The following TMCC1 variants were observed in gnomAD, a reference collection of about 807,000 sequenced individuals.
TMCC1 encodes the protein transmembrane and coiled-coil domain family 1.
A neutral mutation model predicts 52.4 loss-of-function variants in TMCC1; 15 were observed. The observed-to-expected ratio is 0.29, with a 90% confidence interval of 0.19 to 0.44. The LOEUF (loss-of-function observed/expected upper bound fraction) is 0.44. Among genes scored for constraint, TMCC1 ranks in the 20% least tolerant of loss-of-function variants. The pLI, the probability that TMCC1 is intolerant of heterozygous loss-of-function variation, is 1.00. For missense variants in TMCC1, 503 were observed against 806.0 expected (o/e 0.62, Z 4.55); for synonymous variants, 279 against 301.9 (o/e 0.92, Z 0.79).
intron 4 of TMCC1, among the ~76,000 whole-genome samples, chr3:129,798,286 T>C (rs1415729525): frequency 1.3e-5 from 2 of 152,094 alleles, no homozygotes; most frequent in South Asian, 2.1e-4. Context: ...TGAGCCACCA[T>C]GCCCAGCCGC....
chr3:129,864,199 T>C (rs1437628183), intron 2 of TMCC1, among the ~76,000 whole-genome samples: 1 of 152,198 alleles, frequency 6.6e-6, no homozygotes, highest in East Asian at 1.9e-4. Flanking sequence ...CCTCAACAGA[T>C]TGATACGAAG....
intron 2 of TMCC1, among the ~76,000 whole-genome samples, chr3:129,854,631 C>CTA (rs2060070825): frequency 6.6e-6 from 1 of 152,106 alleles, no homozygotes. Context: ...ATTCTCCCTT[C>CTA]TACCACAGGG....
At chr3:129,750,604 C>G (rs1291447956) in intron 4 of TMCC1, among the ~76,000 whole-genome samples, 1 of 114,940 alleles carries the variant, frequency 8.7e-6, no homozygotes, top group Non-Finnish European at 1.7e-5. Flanking sequence ...GAGACAGAGT[C>G]TTGTCTGTCA....
At chr3:129,859,989 G>GA (rs1281960668) in intron 2 of TMCC1, among the ~76,000 whole-genome samples, 1 of 152,010 alleles carries the variant, frequency 6.6e-6, no homozygotes, top group Admixed American at 6.5e-5. Context: ...AATGATAACT[G>GA]AAAAAACCTG....
At chr3:129,689,591 C>T (rs2089652276) in intron 4 of TMCC1, among the ~76,000 whole-genome samples, 1 of 152,128 alleles carries the variant, frequency 6.6e-6, no homozygotes, top group Non-Finnish European at 1.5e-5. Context: ...GTGATAATTT[C>T]TTTACTTCTA....
chr3:129,685,608 TA>T (rs2089343241), intron 4 of TMCC1, among the ~76,000 whole-genome samples: 1 of 152,074 alleles, frequency 6.6e-6, no homozygotes, highest in African/African-American at 2.4e-5. Flanking sequence ...GGCTGTAAAA[TA>T]ATGGCACAGG....
intron 4 of TMCC1, among the ~76,000 whole-genome samples, chr3:129,770,597 TAAAATAAATG>T (rs2054486656): frequency 6.7e-6 from 1 of 149,482 alleles, no homozygotes; most frequent in Non-Finnish European, 1.5e-5. Context: ...TAAAATAAAA[TAAAATAAATG>T]AAATGAAATG....
At chr3:129,827,634 CATT>C (rs1416105627) in intron 4 of TMCC1, 166 bp downstream of exon 4, 5 of 699,742 alleles carry the variant, frequency 7.1e-6, no homozygotes, top group Non-Finnish European at 1.2e-5. Flanking sequence ...TCTAAGCATT[CATT>C]CATTAGCTAT....
intron 4 of TMCC1, among the ~76,000 whole-genome samples, chr3:129,721,825 G>C (rs1024123954): frequency 6.6e-6 from 1 of 152,018 alleles, no homozygotes; most frequent in East Asian, 1.9e-4. Flanking sequence ...GCAGTGAGCC[G>C]AGATGGCGCC....
At chr3:129,854,689 T>C (rs2060073732) in intron 2 of TMCC1, among the ~76,000 whole-genome samples, 1 of 152,158 alleles carries the variant, frequency 6.6e-6, no homozygotes, top group South Asian at 2.1e-4. Context: ...CTCCCATCTA[T>C]CCTTTCTTTG....
At chr3:129,718,218 T>C (rs1006114338) in intron 4 of TMCC1, among the ~76,000 whole-genome samples, 4 of 152,194 alleles carry the variant, frequency 2.6e-5, no homozygotes, top group Admixed American at 6.5e-5. Flanking sequence ...ATGGTGCCAT[T>C]TGCAGTCAAG....
intron 2 of TMCC1, among the ~76,000 whole-genome samples, chr3:129,870,041 T>C (rs1334877997): frequency 6.6e-6 from 1 of 152,222 alleles, no homozygotes; most frequent in African/African-American, 2.4e-5. Flanking sequence ...TATCATGTAG[T>C]GTAAAATTAT....
rs112682380 is a variant in TMCC1 at position 129,886,774 on chromosome 3, C to CA, written c.-434-6216dup. ...GGCCAACATGGTGAAACCGTTTCTACAAAAAAAAAAAAAATTAGCCAGGTG... is the reference window on the plus strand; with the variant it reads ...GGCCAACATGGTGAAACCGTTTCTACAAAAAAAAAAAAAAATTAGCCAGGTG... On this transcript the variant is annotated intron_variant, in intron 1 of 6. Coordinates refer to ENST00000393238, the MANE Select transcript of TMCC1 (RefSeq NM_001017395.5). 8.4e-3 allele frequency among the ~76,000 whole-genome samples: 1,083 copies of CA among 129,306 alleles called. 11 individuals carry two copies. The highest frequency in any genetic ancestry group is 0.02 in the African/African-American group (699 of 35,268). The allele number at this position is 129,306 out of a possible 152,430, so 84.8% of individuals were successfully genotyped here. A position where few individuals can be genotyped will look rare whatever the true frequency, so the allele number is the denominator to read the frequency against.
At chr3:129,843,103 T>C (rs958914742) in intron 2 of TMCC1, among the ~76,000 whole-genome samples, 1 of 151,988 alleles carries the variant, frequency 6.6e-6, no homozygotes, top group Admixed American at 6.6e-5. Flanking sequence ...TCCCAGCACT[T>C]TGGGAGGCTG....
In TMCC1 at chr3:129,670,516, A is replaced by G; in HGVS notation, c.1325T>C (p.Val442Ala). Residue 442 changes from valine (V) to alanine (A), a missense_variant, in exon 5 of 7, where the codon GTA (valine) becomes GCA (alanine). Val to Ala is a moderately conservative substitution (Grantham distance 64). This residue lies in a region of TMCC1 where 121 missense variants were observed against 193.6 expected (regional missense o/e 0.62). Coordinates refer to ENST00000393238, the MANE Select transcript of TMCC1 (RefSeq NM_001017395.5). ...GANSTTGGIA[V>A]GASSSKTNTL... Reference sequence around the variant, plus strand: ...GTTTGTTTTGGAGCTGGATGCTCCTACAGCGATGCCCCCTGTGGTGCTGTT... The same window carrying G: ...GTTTGTTTTGGAGCTGGATGCTCCTGCAGCGATGCCCCCTGTGGTGCTGTT... The G allele has an allele frequency of 6.2e-7, 1 of 1,614,190 alleles. No homozygotes were observed.
intron 4 of TMCC1, 49 bp downstream of exon 4, chr3:129,827,754 G>A (rs1482519932): frequency 3.2e-6 from 5 of 1,578,594 alleles, no homozygotes; most frequent in Non-Finnish European, 3.5e-6. Context: ...GAGAGTCCTA[G>A]GTATGAAAAA....
chr3:129,657,480 A>C (rs1462196903), intron 5 of TMCC1, among the ~76,000 whole-genome samples: 1 of 152,204 alleles, frequency 6.6e-6, no homozygotes, highest in Non-Finnish European at 1.5e-5. Flanking sequence ...CAAAAATATT[A>C]AGTAGGGCAG....
At chr3:129,654,357 T>C (rs2086541010) in intron 6 of TMCC1, among the ~76,000 whole-genome samples, 1 of 152,210 alleles carries the variant, frequency 6.6e-6, no homozygotes, top group Admixed American at 6.5e-5. Flanking sequence ...CTTGATTCTT[T>C]TAGGCTGTTG....
chr3:129,844,626 G>A (rs532522065), intron 2 of TMCC1, among the ~76,000 whole-genome samples: 29 of 152,186 alleles, frequency 1.9e-4, no homozygotes, highest in African/African-American at 6.7e-4. Context: ...AACGGTAACC[G>A]CAAGAAAGGT....
Sources: allele counts gnomAD v4.1 joint callset (sites outside exome capture counted in the v4.1 genomes callset), GRCh38; gene constraint gnomAD v4.1.1; regional missense constraint gnomAD v4.1.1; transcripts MANE v1.5; gene names NCBI Gene and HGNC (gene_info 2026-07-23, HGNC 2026-07-21).